ZNF25: variants seen among roughly 807,000 people sequenced by gnomAD.
The protein encoded by ZNF25 is zinc finger protein 25 (KOX 19).
In ZNF25, 21 loss-of-function variants were observed where a neutral mutation model predicts 30.9. The ratio of observed to expected loss-of-function variants is 0.68; its 90% CI spans 0.48 to 0.98. ZNF25 has a LOEUF of 0.98. Ranked by LOEUF, ZNF25 falls within the 50% of genes least tolerant of loss-of-function variation. The pLI, the probability that ZNF25 is intolerant of heterozygous loss-of-function variation, is 0.00. For missense variants in ZNF25, 501 were observed against 529.9 expected (o/e 0.95, Z 0.54); for synonymous variants, 169 against 181.3 (o/e 0.93, Z 0.55).
chr10:37,953,569 T>C, intron 5 of ZNF25, 126 bp downstream of exon 5: 1 of 845,246 alleles, frequency 1.2e-6, no homozygotes. Flanking sequence ...TTATATTCCT[T>C]GGGATTTGCT....
chr10:37,956,072 A>T (rs758562496), intron 4 of ZNF25, among the ~76,000 whole-genome samples: 4 of 152,204 alleles, frequency 2.6e-5, no homozygotes, highest in Non-Finnish European at 5.9e-5. Context: ...CTGGCAACAC[A>T]TCTGTGCACA....
intron 1 of ZNF25, among the ~76,000 whole-genome samples, chr10:37,973,173 A>C (rs937598864): frequency 8.5e-5 from 13 of 152,058 alleles, no homozygotes; most frequent in African/African-American, 2.4e-4. Context: ...TATCTCAAAA[A>C]AAAAAAAAAA....
In ZNF25 at chr10:37,952,372, C is replaced by A. The variant is rs763742315; in HGVS notation, c.1126G>T (p.Gly376Cys). 6.2e-7 allele frequency: 1 copy of A among 1,613,970 alleles called. No individual in the cohort carries two copies. The highest frequency in any genetic ancestry group is 1.1e-5 in the South Asian group (1 of 91,074). ...GEKPYECTEC[G>C]KSFAVNSVLR... ...ACTGAATTCACAGCAAAAGATTTGCCACATTCTGTGCATTCATAGGGCTTC... is the reference window on the plus strand; with the variant it reads ...ACTGAATTCACAGCAAAAGATTTGCAACATTCTGTGCATTCATAGGGCTTC... The change falls in exon 6 of 6, where the codon GGC becomes TGC. Residue 376 changes from glycine (G) to cysteine (C), a missense_variant. By Grantham distance (159) the Gly-to-Cys change is radical. Coordinates refer to ENST00000302609, the MANE Select transcript of ZNF25 (RefSeq NM_145011.4).
rs1005383067 is a variant in ZNF25, at chr10:37,952,287, C to T, written c.1211G>A (p.Gly404Glu). 6 of 1,613,566 alleles carry T rather than the reference C, an allele frequency of 3.7e-6. No homozygotes were observed. The East Asian group carries it at 1.1e-4, about 30-fold the overall frequency. Residue 404 changes from glycine to glutamate, a missense_variant, in exon 6 of 6, where the codon GGG becomes GAG. Gly to Glu is a moderately conservative substitution (Grantham distance 98). Coordinates refer to ENST00000302609, the MANE Select transcript of ZNF25 (RefSeq NM_145011.4). ...GEKPYACKEC[G>E]KSFSQKSHFI... ...ATGTGACTTCTGAGAAAAGGACTTC[C>T]CACATTCCTTGCATGCATAGGGCTT...
chr10:37,971,782 C>A lies in ZNF25; in HGVS notation c.-60G>T. ...AAGCCAGAGCAGAAATCATAAGGGA[C>A]CTTAGCTGGCAGCCCCAGGAATCAC... On this transcript the variant is annotated 5_prime_UTR_variant, in exon 2 of 6. Transcript: ENST00000302609. 2 of 1,612,566 alleles carry A rather than the reference C, an allele frequency of 1.2e-6. No individual in the cohort carries two copies. The highest frequency in any genetic ancestry group is 1.7e-6 in the Non-Finnish European group (2 of 1,178,812).
chr10:37,971,878 G>T, intron 1 of ZNF25, 71 bp from the exon 2 acceptor site: 2 of 1,002,316 alleles, frequency 2.0e-6, no homozygotes, highest in Non-Finnish European at 1.5e-6. Context: ...TGACCCATTA[G>T]AAAGCATAGT....
At position 37,949,815 on chromosome 10, in the gene ZNF25, T is replaced by C. The variant is rs1683893773; in HGVS notation, c.*2312A>G. On this transcript the variant is annotated 3_prime_UTR_variant, in exon 6 of 6. Transcript: ENST00000302609. The stretch of plus-strand genomic sequence containing the variant: ...ATACAGGGAAAACTGGCCATTGATT[T>C]GGGAGAAAACAAAGGAATACTGTGG... The C allele has an allele frequency of 6.6e-6, 1 of 152,608 alleles. No individual in the cohort carries two copies. Among genetic ancestry groups the C allele is most frequent in the African/African-American group, 2.4e-5 (1 of 41,436 alleles). The allele number at this position is 152,608 out of a possible 1,614,324, so 9.5% of individuals were successfully genotyped here. A position where few individuals can be genotyped will look rare whatever the true frequency, so the allele number is the denominator to read the frequency against.
intron 2 of ZNF25, among the ~76,000 whole-genome samples, chr10:37,968,803 T>C (rs1410513912): frequency 3.3e-5 from 5 of 152,080 alleles, no homozygotes; most frequent in Non-Finnish European, 7.3e-5. Context: ...CTAACATAGA[T>C]TGAAAATGTA....
chr10:37,964,773 A>G (rs763273390), intron 2 of ZNF25, among the ~76,000 whole-genome samples: 2 of 152,216 alleles, frequency 1.3e-5, no homozygotes, highest in Non-Finnish European at 2.9e-5. Context: ...ATCCAAGCCC[A>G]AGCAGGCTGT....
chr10:37,956,863 T>G (rs1203188525), intron 4 of ZNF25, among the ~76,000 whole-genome samples, 157 bp downstream of exon 4: 2 of 141,420 alleles, frequency 1.4e-5, no homozygotes, highest in Non-Finnish European at 3.0e-5. Flanking sequence ...TGCAGTGAGC[T>G]GAGATGGCAA....
chr10:37,957,869 T>C (rs1020304976), intron 2 of ZNF25, among the ~76,000 whole-genome samples: 95 of 152,340 alleles, frequency 6.2e-4, no homozygotes, highest in African/African-American at 2.2e-3. Flanking sequence ...AGTATTTTTA[T>C]TGTCTGTTTT....
At chr10:37,969,566 T>G (rs1459792833) in intron 2 of ZNF25, among the ~76,000 whole-genome samples, 1 of 152,140 alleles carries the variant, frequency 6.6e-6, no homozygotes, top group Non-Finnish European at 1.5e-5. Flanking sequence ...ACTAGGTAGA[T>G]CCATAGAGAT....
chr10:37,957,624 C>CACTGCAAAG, intron 2 of ZNF25, 78 bp from the exon 3 acceptor site: 1 of 1,465,554 alleles, frequency 6.8e-7, no homozygotes, highest in Non-Finnish European at 9.1e-7. Context: ...TGAACTAGCT[C>CACTGCAAAG]TTAGTGTACT....
intron 2 of ZNF25, among the ~76,000 whole-genome samples, chr10:37,958,583 G>A (rs2062669141): frequency 6.6e-6 from 1 of 152,158 alleles, no homozygotes; most frequent in South Asian, 2.1e-4. Flanking sequence ...ATACATCTCT[G>A]CTTATTAATA....
intron 1 of ZNF25, among the ~76,000 whole-genome samples, chr10:37,974,787 G>A (rs1040356191): frequency 4.6e-5 from 7 of 152,040 alleles, no homozygotes; most frequent in African/African-American, 1.4e-4. Flanking sequence ...AGGGAAATCC[G>A]TATATTGAAG....
At chr10:37,954,480 T>G (rs184452385) in intron 4 of ZNF25, among the ~76,000 whole-genome samples, 1 of 152,302 alleles carries the variant, frequency 6.6e-6, no homozygotes. Flanking sequence ...AGCATTGGGA[T>G]AAGCCATCTA....
chr10:37,957,288 G>A (rs1173125704), intron 3 of ZNF25, 132 bp downstream of exon 3: 33 of 1,347,588 alleles, frequency 2.4e-5, no homozygotes, highest in African/African-American at 2.9e-5. Context: ...TACCCAAAAT[G>A]GATTTATTAA....
intron 4 of ZNF25, among the ~76,000 whole-genome samples, chr10:37,956,057 TG>T (rs1156675261): frequency 6.6e-6 from 1 of 152,236 alleles, no homozygotes; most frequent in African/African-American, 2.4e-5. Context: ...GCATTGTTCC[TG>T]ATACTGGCAA....
intron 3 of ZNF25, 137 bp from the exon 4 acceptor site, chr10:37,957,252 G>A: frequency 1.6e-6 from 2 of 1,240,914 alleles, no homozygotes; most frequent in East Asian, 2.4e-5. Context: ...TCAGCGGGGA[G>A]AGAGGGACAC....
Sources: gnomAD v4.1 joint callset for allele counts (sites outside exome capture counted in the v4.1 genomes callset) on GRCh38, gnomAD v4.1.1 for gene constraint, MANE v1.5 for transcripts, NCBI Gene and HGNC (gene_info 2026-07-23, HGNC 2026-07-21) for gene names.